Variants in USP20 observed in about 807,000 individuals in gnomAD.
USP20 encodes ubiquitin specific peptidase 20, also known as ubiquitin carboxyl-terminal hydrolase 20.
In USP20, 80 loss-of-function variants were observed where a neutral mutation model predicts 124.2. That is an observed-to-expected ratio of 0.64 (90% CI 0.54 to 0.78). The LOEUF (loss-of-function observed/expected upper bound fraction) is 0.78. Ranked by LOEUF, USP20 falls within the 30% of genes least tolerant of loss-of-function variation. The probability of loss-of-function intolerance (pLI) is 0.00; values close to 1 mark genes in which losing one functional copy is unlikely to be tolerated. For missense variants in USP20, 1,043 were observed against 1,244.4 expected, an observed-to-expected ratio of 0.84 and a Z score of 2.44; for synonymous variants, 481 against 512.3, an observed-to-expected ratio of 0.94 and a Z score of 0.83.
chr9:129,879,469 G>C lies in USP20; in HGVS notation c.2513-104G>C, dbSNP rs957983081. On this transcript the variant is annotated intron_variant, in intron 23 of 25. Transcript: ENST00000372429. This position sits in a 1 kb window ranked among gnomAD's most constrained non-coding sequence, Gnocchi z 4.2. ...GCGCCTCATCCATTAGAGACTTCAC[G>C]CTGACCCCCAGGCCTGGGGCGGCCC... is the stretch of plus-strand genomic sequence containing the variant. The C allele has an allele frequency of 1.5e-5, 18 of 1,187,854 alleles. 1 individual carries two copies. In the Admixed American group the frequency reaches 2.9e-4, roughly 19 times the overall value. 73.6% of individuals were successfully genotyped at this position (1,187,854 alleles called of 1,614,324 possible).
rs35781520 is a variant in USP20, at chr9:129,875,329, A to G, written c.2068A>G (p.Met690Val). The change falls in exon 20 of 26, where the codon ATG becomes GTG. Residue 690 changes from methionine (M) to valine (V), a missense_variant. Physicochemically the swap from Met to Val is conservative, Grantham distance 21. Transcript: ENST00000372429. ...LFYRKSSEEA[M>V]RERQQVVSLA... ...CCACAGGAAGAGCAGCGAGGAGGCC[A>G]TGCGGGAGCGACAGCAGGTGGTGTC... 0.017 allele frequency: 27,348 copies of G among 1,611,142 alleles called. 303 individuals carry two copies. Among genetic ancestry groups the G allele is most frequent in the East Asian group, 0.024 (1,056 of 44,844 alleles).
intron 3 of USP20, among the ~76,000 whole-genome samples, chr9:129,853,964 C>G (rs1234185482): frequency 6.7e-6 from 1 of 148,782 alleles, no homozygotes; most frequent in East Asian, 2.0e-4. Context: ...CAGAAAGTTA[C>G]AAAATAAAAC....
chr9:129,841,910 T>A (rs951915338), intron 1 of USP20, among the ~76,000 whole-genome samples: 4 of 152,156 alleles, frequency 2.6e-5, no homozygotes, highest in Non-Finnish European at 4.4e-5. Flanking sequence ...CCCTGAGTGG[T>A]CTCATGGAGG....
intron 10 of USP20, among the ~76,000 whole-genome samples, chr9:129,867,096 T>G (rs774113883): frequency 2.0e-5 from 3 of 152,190 alleles, no homozygotes; most frequent in Non-Finnish European, 4.4e-5. Flanking sequence ...GGCTGAGGGC[T>G]GCTTCTAACA....
In USP20 at chr9:129,880,531, AC is replaced by A. The variant is rs2034598661; in HGVS notation, c.*85del. ...AGAAGAGAGGCCGGGCTGCTGCAGA[AC>A]CCCGCCGTGTAAAGAGGCAGAAAAG... is the stretch of plus-strand genomic sequence containing the variant. On this transcript the variant is annotated 3_prime_UTR_variant, in exon 26 of 26. Coordinates refer to ENST00000372429, the MANE Select transcript of USP20 (RefSeq NM_001110303.4). 4 of 497,780 alleles carry A rather than the reference AC, an allele frequency of 8.0e-6. No homozygotes were observed. The South Asian group carries it at 1.2e-4, about 15-fold the overall frequency. The allele number at this position is 497,780 out of a possible 1,614,324, so 30.8% of individuals were successfully genotyped here.
rs886109845 is a variant in USP20 at position 129,860,838 on chromosome 9, C to T, written c.331-99C>T. 61 of 1,244,914 alleles carry T rather than the reference C, an allele frequency of 4.9e-5. No homozygotes were observed. The East Asian group carries it at 8.1e-4, about 17-fold the overall frequency. 77.1% of individuals were successfully genotyped at this position (1,244,914 alleles called of 1,614,324 possible). Reference sequence around the variant, plus strand: ...ACTGGCTCAGCCCAGTAGGGCCTTCCGGGCAGTAGGGCTGGACTTCCAGCC... The same window carrying T: ...ACTGGCTCAGCCCAGTAGGGCCTTCTGGGCAGTAGGGCTGGACTTCCAGCC... On this transcript the variant is annotated intron_variant, in intron 6 of 25. Coordinates refer to ENST00000372429, the MANE Select transcript of USP20 (RefSeq NM_001110303.4).
At chr9:129,861,182 C>A in intron 7 of USP20, 149 bp downstream of exon 7, 1 of 778,778 alleles carries the variant, frequency 1.3e-6, no homozygotes, top group Non-Finnish European at 2.1e-6. Context: ...AGCATGGTGG[C>A]TTCACCCCAG....
Position 129,839,145 on chromosome 9 carries a change from G to T in USP20, c.-129+3646G>T, listed in dbSNP as rs2032047313. ...TGGGCTTCAGGGCAGGTAGTCGTGG[G>T]TTCGAATTTTGGTTCTGCAGCTCAG... On this transcript the variant is annotated intron_variant, in intron 1 of 25. Coordinates refer to ENST00000372429, the MANE Select transcript of USP20 (RefSeq NM_001110303.4). The surrounding 1 kb of genome is among the most constrained non-coding windows in gnomAD (Gnocchi z 4.5). Among the ~76,000 whole-genome samples the T allele has an allele frequency of 1.3e-5, 2 of 152,168 alleles. No individual in the cohort carries two copies. Among genetic ancestry groups the T allele is most frequent in the African/African-American group, 4.8e-5 (2 of 41,440 alleles).
intron 15 of USP20, among the ~76,000 whole-genome samples, chr9:129,870,806 A>C (rs2034085539): frequency 6.6e-6 from 1 of 152,196 alleles, no homozygotes; most frequent in Non-Finnish European, 1.5e-5. Flanking sequence ...GGTGGGCAAA[A>C]ATGATGTATG....
Position 129,861,793 on chromosome 9 carries a change from A to G in USP20, c.497+181A>G, listed in dbSNP as rs114096098. On this transcript the variant is annotated intron_variant, in intron 8 of 25. Coordinates refer to ENST00000372429, the MANE Select transcript of USP20 (RefSeq NM_001110303.4). ...CCCAGTCAGAATGTATCCTGAGGAG[A>G]TAACCGGAGATGCTGGGGAAGTTGT... Among the ~76,000 whole-genome samples, 398 of 152,316 alleles carry G rather than the reference A, an allele frequency of 2.6e-3. 3 individuals carry two copies. The highest frequency in any genetic ancestry group is 9.0e-3 in the African/African-American group (376 of 41,566).
intron 17 of USP20, 22 bp from the exon 18 acceptor site, chr9:129,874,554 G>A (rs756643728): frequency 8.7e-6 from 14 of 1,610,268 alleles, no homozygotes; most frequent in Middle Eastern, 3.3e-4. Context: ...CTAGATGACC[G>A]GCGCTCTCTC....
rs35953314 is a variant in USP20 at position 129,858,572 on chromosome 9, G to A, written c.304G>A (p.Gly102Ser). Residue 102 changes from glycine to serine, a missense_variant, in exon 6 of 26, where the codon GGC becomes AGC. Physicochemically the swap from Gly to Ser is moderately conservative, Grantham distance 56. Coordinates refer to ENST00000372429, the MANE Select transcript of USP20 (RefSeq NM_001110303.4). ...LEQRLAAPLL[G>S]SSSKFSEQDS... ...GCAGCGGCTGGCAGCCCCTCTGCTGGGCTCCTCTTCCAAGTTCTCTGAACA... is the reference window on the plus strand; with the variant it reads ...GCAGCGGCTGGCAGCCCCTCTGCTGAGCTCCTCTTCCAAGTTCTCTGAACA... 6.2e-7 allele frequency: 1 copy of A among 1,613,946 alleles called. No homozygotes were observed. Among genetic ancestry groups the A allele is most frequent in the African/African-American group, 1.3e-5 (1 of 74,920 alleles).
Position 129,852,592 on chromosome 9 carries a change from T to A in USP20, c.37T>A (p.Ser13Thr), listed in dbSNP as rs1267972435. The A allele has an allele frequency of 6.2e-7, 1 of 1,600,330 alleles. No individual in the cohort carries two copies. Among genetic ancestry groups the A allele is most frequent in the African/African-American group, 1.3e-5 (1 of 74,732 alleles). ...CAGGGACCTTTGCCCTCACCTTGAC[T>A]CCATAGGAGAGGTGACCAAAGAGGA... ...DSRDLCPHLDSIGEVTKEDLL... is the reference protein window; with the variant it reads ...DSRDLCPHLDTIGEVTKEDLL... Residue 13 changes from serine (S) to threonine (T), a missense_variant, in exon 3 of 26, where the codon TCC (serine) becomes ACC (threonine). Transcript: ENST00000372429.
chr9:129,871,286 GACGGCTTTTACTGAGCATA>G (rs2034112604), intron 15 of USP20, among the ~76,000 whole-genome samples: 1 of 152,178 alleles, frequency 6.6e-6, no homozygotes, highest in African/African-American at 2.4e-5. Context: ...TTTTGTGACT[GACGGCTTTTACTGAGCATA>G]ACGTCCTTAG....
intron 1 of USP20, among the ~76,000 whole-genome samples, chr9:129,848,970 G>A (rs1588247345): frequency 6.6e-6 from 1 of 152,342 alleles, no homozygotes; most frequent in African/African-American, 2.4e-5. Flanking sequence ...ACCTGCCAGT[G>A]AAGTGTGGGT....
intron 1 of USP20, among the ~76,000 whole-genome samples, chr9:129,846,917 A>G (rs1025391758): frequency 3.9e-5 from 6 of 152,088 alleles, no homozygotes; most frequent in Non-Finnish European, 7.4e-5. Context: ...ATGAACCACC[A>G]TACCCAGCCT....
intron 1 of USP20, among the ~76,000 whole-genome samples, chr9:129,840,264 G>A (rs894299585): frequency 3.9e-5 from 6 of 152,256 alleles, no homozygotes; most frequent in African/African-American, 1.4e-4. Flanking sequence ...GGGACGGAAA[G>A]AGTGGGGAAA....
intron 1 of USP20, among the ~76,000 whole-genome samples, chr9:129,836,503 G>A (rs2131022856): frequency 6.6e-6 from 1 of 152,322 alleles, no homozygotes; most frequent in Non-Finnish European, 1.5e-5. Context: ...CACGGTAGGA[G>A]TGCAGTAGAT....
intron 15 of USP20, among the ~76,000 whole-genome samples, chr9:129,873,153 T>TG (rs1437820165): frequency 7.6e-6 from 1 of 131,966 alleles, no homozygotes; most frequent in African/African-American, 2.7e-5. Flanking sequence ...ATCAGCTCAC[T>TG]GCAGCCTCTG....
Sources: gnomAD v4.1 joint callset for allele counts (sites outside exome capture counted in the v4.1 genomes callset) on GRCh38, gnomAD v4.1.1 for gene constraint, Gnocchi (gnomAD v3.1) non-coding constraint, MANE v1.5 for transcripts, NCBI Gene and HGNC (gene_info 2026-07-23, HGNC 2026-07-21) for gene names.